SIPA1L2: variants seen among roughly 807,000 people sequenced by gnomAD.
SIPA1L2 encodes signal induced proliferation associated 1 like 2.
Under a neutral mutation model 163.9 loss-of-function variants are expected in SIPA1L2, and 56 were observed. That is an observed-to-expected ratio of 0.34 (90% CI 0.28 to 0.43). SIPA1L2 has a LOEUF of 0.43. SIPA1L2 is among the 20% of genes least tolerant of loss of function. The probability of loss-of-function intolerance (pLI) is 1.00; values close to 1 mark genes in which losing one functional copy is unlikely to be tolerated. For missense variants in SIPA1L2, 1,974 were observed against 2,193.5 expected (o/e 0.90, Z 2.00); for synonymous variants, 877 against 865.7 (o/e 1.01, Z -0.23).
chr1:232,492,429 C>T lies in SIPA1L2; in HGVS notation c.1617+1098G>A, dbSNP rs569063512. 1.2e-3 allele frequency among the ~76,000 whole-genome samples: 176 copies of T among 152,236 alleles called. 1 individual carries two copies. Among genetic ancestry groups the T allele is most frequent in the Non-Finnish European group, 1.7e-3 (116 of 68,022 alleles). ...AGGTGTAACCATACTGCCCTACAGC[C>T]TCAACTCCTGAGCTCAAGCCATGCT... On this transcript the variant is annotated intron_variant, in intron 4 of 22. Transcript: ENST00000674635.
chr1:232,596,274 T>G (rs1248755395), intron 1 of SIPA1L2, among the ~76,000 whole-genome samples: 1 of 152,202 alleles, frequency 6.6e-6, no homozygotes, highest in Non-Finnish European at 1.5e-5. Flanking sequence ...TTTTCCCTCA[T>G]GAAACAACAC....
At chr1:232,504,445 C>T (rs60600004) in intron 3 of SIPA1L2, among the ~76,000 whole-genome samples, 2,474 of 149,986 alleles carry the variant, frequency 0.016, 77 homozygotes, top group East Asian at 0.081. Flanking sequence ...GGCTGAGGCA[C>T]GAGAAGTGCA....
chr1:232,432,151 T>A, intron 16 of SIPA1L2, 96 bp downstream of exon 16: 1 of 997,676 alleles, frequency 1.0e-6, no homozygotes, highest in South Asian at 1.7e-5. Context: ...TTATTCTTTT[T>A]TAGAAAATAC....
intron 1 of SIPA1L2, among the ~76,000 whole-genome samples, chr1:232,601,056 G>A (rs563714534): frequency 3.3e-5 from 5 of 152,266 alleles, no homozygotes; most frequent in South Asian, 4.1e-4. Context: ...CAACAGCCCC[G>A]ATGGTATCCC....
intron 2 of SIPA1L2, among the ~76,000 whole-genome samples, chr1:232,557,084 T>A (rs811530): frequency 0.13 from 19,836 of 152,122 alleles, 2,452 homozygotes; most frequent in East Asian, 0.43. Flanking sequence ...CTCAATAAAA[T>A]ACTGATAGGA....
chr1:232,513,107 C>T (rs1393647343), intron 3 of SIPA1L2, among the ~76,000 whole-genome samples: 1 of 152,214 alleles, frequency 6.6e-6, no homozygotes, highest in Admixed American at 6.5e-5. Flanking sequence ...GCATGTGTTA[C>T]TGACACATGT....
At chr1:232,603,434 T>G (rs925978358) in intron 1 of SIPA1L2, among the ~76,000 whole-genome samples, 3 of 150,794 alleles carry the variant, frequency 2.0e-5, no homozygotes, top group Admixed American at 2.0e-4. Context: ...CCAGCAAGGG[T>G]AGAAGAAAAA....
At chr1:232,437,864 C>A (rs1662660370) in intron 15 of SIPA1L2, among the ~76,000 whole-genome samples, 1 of 152,132 alleles carries the variant, frequency 6.6e-6, no homozygotes, top group African/African-American at 2.4e-5. Flanking sequence ...GCAGGTGGCA[C>A]AGCTGTTTTC....
chr1:232,625,834 A>G (rs1663044619), intron 1 of SIPA1L2, among the ~76,000 whole-genome samples: 1 of 152,226 alleles, frequency 6.6e-6, no homozygotes, highest in South Asian at 2.1e-4. Flanking sequence ...GTTACTTGCA[A>G]TGTTCAGGTA....
chr1:232,513,081 C>T (rs761909878), intron 3 of SIPA1L2, among the ~76,000 whole-genome samples: 5 of 152,134 alleles, frequency 3.3e-5, no homozygotes, highest in Non-Finnish European at 5.9e-5. Context: ...TGAGAGGTGC[C>T]GGAGTGTTTT....
In SIPA1L2 at chr1:232,584,350, G is replaced by A. The variant is rs1224880314; in HGVS notation, c.-318-10128C>T. ...AGCGATTCTCCTGCCTCAGCCTCCC[G>A]AGTAGATGAGACTACAGGTGCATGC... is the stretch of plus-strand genomic sequence containing the variant. On this transcript the variant is annotated intron_variant, in intron 1 of 22. Coordinates refer to ENST00000674635, the MANE Select transcript of SIPA1L2 (RefSeq NM_020808.5). 2.6e-5 allele frequency among the ~76,000 whole-genome samples: 4 copies of A among 152,010 alleles called. 1 individual carries two copies. The South Asian group carries it at 6.2e-4, about 24-fold the overall frequency.
chr1:232,436,645 T>C (rs1345899563), intron 15 of SIPA1L2, among the ~76,000 whole-genome samples: 1 of 152,138 alleles, frequency 6.6e-6, no homozygotes, highest in Non-Finnish European at 1.5e-5. Context: ...CCAGCTGGGG[T>C]TGGCATTTCA....
At chr1:232,454,576 A>G (rs1663783431) in intron 10 of SIPA1L2, among the ~76,000 whole-genome samples, 1 of 152,202 alleles carries the variant, frequency 6.6e-6, no homozygotes, top group Admixed American at 6.5e-5. Context: ...CTGATTTTTG[A>G]CGAATGTATT....
At chr1:232,411,026 A>G (rs1023255695) in intron 19 of SIPA1L2, among the ~76,000 whole-genome samples, 10 of 152,196 alleles carry the variant, frequency 6.6e-5, no homozygotes. Context: ...CTGGGTAAAT[A>G]AAGAGCCCCA....
At chr1:232,492,221 T>C (rs1363864678) in intron 4 of SIPA1L2, among the ~76,000 whole-genome samples, 1 of 152,172 alleles carries the variant, frequency 6.6e-6, no homozygotes, top group African/African-American at 2.4e-5. Context: ...GGCTCTGTGT[T>C]TTCTCTGATC....
intron 3 of SIPA1L2, among the ~76,000 whole-genome samples, chr1:232,505,998 C>A (rs963920035): frequency 1.3e-5 from 2 of 152,182 alleles, no homozygotes; most frequent in Non-Finnish European, 2.9e-5. Context: ...ATGCATCACT[C>A]AGCAGTGAAG....
intron 19 of SIPA1L2, among the ~76,000 whole-genome samples, chr1:232,414,421 A>C (rs1448295718): frequency 3.9e-5 from 6 of 152,104 alleles, no homozygotes; most frequent in African/African-American, 1.2e-4. Flanking sequence ...TTTTGACTTC[A>C]AATGCACCTC....
intron 3 of SIPA1L2, among the ~76,000 whole-genome samples, chr1:232,506,653 G>A (rs1236418495): frequency 6.6e-6 from 1 of 152,182 alleles, no homozygotes; most frequent in East Asian, 1.9e-4. Flanking sequence ...TTATTCTTCA[G>A]TTAAAATACT....
intron 4 of SIPA1L2, among the ~76,000 whole-genome samples, chr1:232,492,876 AGTTAAGACTAGGG>A: frequency 6.6e-6 from 1 of 152,140 alleles, no homozygotes; most frequent in East Asian, 1.9e-4. Context: ...TGCTGGAGTG[AGTTAAGACTAGGG>A]GACTGCTGAG....
Sources: allele counts gnomAD v4.1 joint callset (sites outside exome capture counted in the v4.1 genomes callset), GRCh38; gene constraint gnomAD v4.1.1; transcripts MANE v1.5; gene names NCBI Gene and HGNC (gene_info 2026-07-23, HGNC 2026-07-21).